Variants in DLC1 observed in about 807,000 individuals in gnomAD.
The protein encoded by DLC1 is DLC1 Rho GTPase activating protein, also known as rho GTPase-activating protein 7.
A neutral mutation model predicts 140.3 loss-of-function variants in DLC1; 54 were observed. That is an observed-to-expected ratio of 0.38 (90% confidence interval 0.31 to 0.48). The LOEUF is 0.48. Among genes scored for constraint, DLC1 ranks in the 20% least tolerant of loss-of-function variants. The probability of loss-of-function intolerance (pLI) is 0.96; values close to 1 mark genes in which losing one functional copy is unlikely to be tolerated. For synonymous variants in DLC1, 986 were observed against 728.1 expected (o/e 1.35, Z -5.70); for missense variants, 2,536 against 1,907.0 (o/e 1.33, Z -6.14).
At chr8:13,307,019 A>C (rs1194904867) in intron 4 of DLC1, among the ~76,000 whole-genome samples, 2 of 141,326 alleles carry the variant, frequency 1.4e-5, no homozygotes, top group Non-Finnish European at 3.0e-5. Context: ...GGGAGATAGA[A>C]GTTGCAGTGA....
intron 2 of DLC1, among the ~76,000 whole-genome samples, chr8:13,463,400 A>C (rs1178964171): frequency 2.6e-5 from 4 of 152,188 alleles, no homozygotes; most frequent in Admixed American, 2.6e-4. Flanking sequence ...CTGTTAGGAC[A>C]TGGAGTACTT....
intron 5 of DLC1, among the ~76,000 whole-genome samples, chr8:13,207,659 G>A (rs1827736460): frequency 6.6e-6 from 1 of 152,120 alleles, no homozygotes; most frequent in South Asian, 2.1e-4. Flanking sequence ...ACGTTATTTA[G>A]AGTAGTGGTT....
chr8:13,446,379 A>G (rs1052475617), intron 2 of DLC1, among the ~76,000 whole-genome samples: 1 of 152,174 alleles, frequency 6.6e-6, no homozygotes, highest in African/African-American at 2.4e-5. Flanking sequence ...AATGTAAACA[A>G]CACTCATTTC....
At chr8:13,412,978 A>T (rs952728917) in intron 2 of DLC1, among the ~76,000 whole-genome samples, 2 of 149,814 alleles carry the variant, frequency 1.3e-5, no homozygotes, top group Non-Finnish European at 3.0e-5. Flanking sequence ...GGATGCACCC[A>T]TGTGCTAGGG....
At chr8:13,447,522 C>G (rs1328851910) in intron 2 of DLC1, among the ~76,000 whole-genome samples, 3 of 152,142 alleles carry the variant, frequency 2.0e-5, no homozygotes, top group East Asian at 1.9e-4. Flanking sequence ...TGTTCAGCCT[C>G]TCTGCCTCTA....
intron 4 of DLC1, among the ~76,000 whole-genome samples, chr8:13,335,207 C>A (rs954337140): frequency 6.6e-6 from 1 of 152,070 alleles, no homozygotes; most frequent in Non-Finnish European, 1.5e-5. Flanking sequence ...GGGTCTGCCA[C>A]AATTTAGAAG....
chr8:13,571,930 CT>C, intron 1 of DLC1, among the ~76,000 whole-genome samples: 1 of 152,074 alleles, frequency 6.6e-6, no homozygotes, highest in Non-Finnish European at 1.5e-5. Context: ...TCTCATTGTA[CT>C]TTGACTTATA....
At chr8:13,354,567 A>G (rs1369457309) in intron 4 of DLC1, among the ~76,000 whole-genome samples, 2 of 152,176 alleles carry the variant, frequency 1.3e-5, no homozygotes, top group Non-Finnish European at 2.9e-5. Flanking sequence ...GCATTCACGC[A>G]TCAAGCTCAT....
At chr8:13,489,450 A>ACACACACACACAC (rs1554530251) in intron 2 of DLC1, among the ~76,000 whole-genome samples, 1 of 89,434 alleles carries the variant, frequency 1.1e-5, no homozygotes, top group Admixed American at 1.1e-4. Context: ...CACACACACA[A>ACACACACACACAC]AATGTTGCTA....
Position 13,463,390 on chromosome 8 carries a change from C to T in DLC1, c.1023+35659G>A, listed in dbSNP as rs566511910. On this transcript the variant is annotated intron_variant, in intron 2 of 17. Transcript: ENST00000276297. ...AAAGAGAATATTTTAAAAATAAGACCTGTTAGGACATGGAGTACTTTCTTC... is the reference window on the plus strand; with the variant it reads ...AAAGAGAATATTTTAAAAATAAGACTTGTTAGGACATGGAGTACTTTCTTC... 6.6e-5 allele frequency among the ~76,000 whole-genome samples: 10 copies of T among 152,154 alleles called. No individual in the cohort carries two copies. The South Asian group carries it at 2.1e-3, about 32-fold the overall frequency.
At position 13,466,090 on chromosome 8, in the gene DLC1, A is replaced by G. The variant is rs116547430; in HGVS notation, c.1023+32959T>C. Among the ~76,000 whole-genome samples, 627 of 152,278 alleles carry G rather than the reference A, an allele frequency of 4.1e-3. 8 individuals are homozygous for G. Among genetic ancestry groups the G allele is most frequent in the African/African-American group, 0.015 (608 of 41,556 alleles). On this transcript the variant is annotated intron_variant, in intron 2 of 17. Coordinates refer to ENST00000276297, the MANE Select transcript of DLC1 (RefSeq NM_182643.3). ...GGCATAGACGGGGCAGATATACTGC[A>G]ACGACAAGCACACAGCCACAATGTG...
At chr8:13,395,034 C>CTATCTATCTATCTATCATCT (rs1554511814) in intron 3 of DLC1, among the ~76,000 whole-genome samples, 4 of 117,400 alleles carry the variant, frequency 3.4e-5, no homozygotes, top group Non-Finnish European at 6.1e-5. Flanking sequence ...ATCTATCTAT[C>CTATCTATCTATCTATCATCT]ATCTATCTAT....
At chr8:13,250,336 G>C (rs189344473) in intron 5 of DLC1, among the ~76,000 whole-genome samples, 6 of 152,280 alleles carry the variant, frequency 3.9e-5, no homozygotes, top group Admixed American at 3.3e-4. Context: ...ATAGTTCAAA[G>C]AGTTCTCCTG....
chr8:13,400,820 T>C (rs1219007227), intron 3 of DLC1, among the ~76,000 whole-genome samples: 1 of 152,136 alleles, frequency 6.6e-6, no homozygotes, highest in Non-Finnish European at 1.5e-5. Flanking sequence ...AATATGATGC[T>C]GATAGTAAAT....
chr8:13,490,362 G>A (rs889284486), intron 2 of DLC1, among the ~76,000 whole-genome samples: 10 of 152,146 alleles, frequency 6.6e-5, no homozygotes, highest in African/African-American at 2.2e-4. Context: ...CTTTGAAATT[G>A]GTGAGGTTAT....
intron 4 of DLC1, among the ~76,000 whole-genome samples, chr8:13,385,840 G>A (rs1836498519): frequency 6.6e-6 from 1 of 152,154 alleles, no homozygotes; most frequent in Non-Finnish European, 1.5e-5. Context: ...AAATGCCTGG[G>A]ACAGAATTAA....
chr8:13,134,060 G>A (rs1282174267), intron 5 of DLC1, among the ~76,000 whole-genome samples: 1 of 152,214 alleles, frequency 6.6e-6, no homozygotes, highest in Non-Finnish European at 1.5e-5. Flanking sequence ...GCTGGGGTCT[G>A]ACTGCATAAT....
chr8:13,189,569 G>C (rs574178655), intron 5 of DLC1, among the ~76,000 whole-genome samples: 1 of 151,922 alleles, frequency 6.6e-6, no homozygotes, highest in East Asian at 1.9e-4. Context: ...AATTAGGCAT[G>C]TGATTAGCAC....
At chr8:13,550,701 C>T (rs1246495200) in intron 1 of DLC1, among the ~76,000 whole-genome samples, 2 of 152,076 alleles carry the variant, frequency 1.3e-5, no homozygotes, top group Admixed American at 1.3e-4. Flanking sequence ...AAAGCTTAAA[C>T]ACTGCTGAAT....
Sources: gnomAD v4.1 joint callset for allele counts (sites outside exome capture counted in the v4.1 genomes callset) on GRCh38, gnomAD v4.1.1 for gene constraint, MANE v1.5 for transcripts, NCBI Gene and HGNC (gene_info 2026-07-23, HGNC 2026-07-21) for gene names.